The following SYN3 variants were observed in gnomAD, a reference collection of about 807,000 sequenced individuals.
The protein encoded by SYN3 is synapsin-3.
In SYN3, 35 loss-of-function variants were observed where a neutral mutation model predicts 65.8. The ratio of observed to expected loss-of-function variants is 0.53; its 90% CI spans 0.41 to 0.70. The LOEUF (loss-of-function observed/expected upper bound fraction) is 0.70, where lower values mean the gene tolerates loss of function less well. Ranked by LOEUF, SYN3 falls within the 30% of genes least tolerant of loss-of-function variation. The pLI is 0.00. For synonymous variants in SYN3, 270 were observed against 292.9 expected (o/e 0.92, Z 0.80); for missense variants, 680 against 749.0 (o/e 0.91, Z 1.08).
chr22:32,744,309 C>G (rs2044861625), intron 6 of SYN3, among the ~76,000 whole-genome samples: 1 of 152,164 alleles, frequency 6.6e-6, no homozygotes, highest in African/African-American at 2.4e-5. Context: ...GTCTGAGAGA[C>G]TGGGCACTCC....
intron 3 of SYN3, among the ~76,000 whole-genome samples, chr22:32,955,303 C>T (rs1045894938): frequency 6.6e-6 from 1 of 152,040 alleles, no homozygotes; most frequent in Non-Finnish European, 1.5e-5. Flanking sequence ...ATGCTAAATG[C>T]TGCAAAGAAA....
At chr22:33,018,798 T>C (rs2053514254) in intron 1 of SYN3, among the ~76,000 whole-genome samples, 1 of 152,080 alleles carries the variant, frequency 6.6e-6, no homozygotes, top group Admixed American at 6.5e-5. Flanking sequence ...TGCACCTGGG[T>C]TCCCCACTTC....
At chr22:33,041,906 C>T (rs1177511533) in intron 1 of SYN3, among the ~76,000 whole-genome samples, 1 of 152,180 alleles carries the variant, frequency 6.6e-6, no homozygotes, top group Non-Finnish European at 1.5e-5. Flanking sequence ...TCATGCTGTA[C>T]TCCTGCATTA....
At chr22:32,517,324 G>A (rs137867509) in intron 13 of SYN3, among the ~76,000 whole-genome samples, 5 of 152,274 alleles carry the variant, frequency 3.3e-5, no homozygotes, top group East Asian at 3.9e-4. Context: ...AAGAAAGCTC[G>A]GCTTAGCCTT....
Position 32,563,757 on chromosome 22 carries a change from C to T in SYN3, c.775-22044G>A, listed in dbSNP as rs541777427. Reference sequence around the variant, plus strand: ...CGATCTCAGCTCACTGCAACCTCCGCCTCCCAGGTTCAAGCGATTCTCCTG... The same window carrying T: ...CGATCTCAGCTCACTGCAACCTCCGTCTCCCAGGTTCAAGCGATTCTCCTG... On this transcript the variant is annotated intron_variant, in intron 7 of 13. Transcript: ENST00000358763. Among the ~76,000 whole-genome samples the T allele has an allele frequency of 9.2e-4, 140 of 152,280 alleles. No homozygotes were observed. The South Asian group carries it at 0.012, about 13-fold the overall frequency.
chr22:32,972,961 A>G (rs549409367), intron 3 of SYN3, among the ~76,000 whole-genome samples: 1 of 152,274 alleles, frequency 6.6e-6, no homozygotes, highest in East Asian at 1.9e-4. Context: ...GTGAACCATG[A>G]TTACACCATT....
chr22:32,675,961 G>C (rs2060434364), intron 6 of SYN3, among the ~76,000 whole-genome samples: 1 of 152,018 alleles, frequency 6.6e-6, no homozygotes, highest in Admixed American at 6.6e-5. Flanking sequence ...GGAAATATCT[G>C]TCTTGAAGAC....
At chr22:32,667,050 G>A (rs2060298580) in intron 6 of SYN3, among the ~76,000 whole-genome samples, 9 of 152,168 alleles carry the variant, frequency 5.9e-5, no homozygotes, top group Non-Finnish European at 1.3e-4. Flanking sequence ...GACCATCCTG[G>A]CTAACACAGT....
intron 1 of SYN3, among the ~76,000 whole-genome samples, chr22:33,032,698 CTG>C (rs2145903900): frequency 6.6e-6 from 1 of 152,058 alleles, no homozygotes; most frequent in African/African-American, 2.4e-5. Context: ...CAACCTGACT[CTG>C]GTGTCTTTAC....
At chr22:32,629,173 G>A (rs1034321698) in intron 6 of SYN3, among the ~76,000 whole-genome samples, 1 of 152,224 alleles carries the variant, frequency 6.6e-6, no homozygotes, top group Middle Eastern at 3.2e-3. Flanking sequence ...TTGAGCGTGG[G>A]ATCTGGGTCA....
intron 6 of SYN3, among the ~76,000 whole-genome samples, chr22:32,693,592 G>GA (rs2060695450): frequency 1.1e-5 from 1 of 90,532 alleles, no homozygotes; most frequent in Non-Finnish European, 2.0e-5. Context: ...TCTGTAGCTT[G>GA]TTTTTTTTTT....
chr22:32,759,499 G>C (rs112653744), intron 6 of SYN3, among the ~76,000 whole-genome samples: 42 of 152,268 alleles, frequency 2.8e-4, no homozygotes, highest in African/African-American at 9.9e-4. Flanking sequence ...CCTGTGACTA[G>C]ACTACTTGAC....
chr22:32,984,799 C>A (rs2052475679), intron 2 of SYN3, among the ~76,000 whole-genome samples: 1 of 152,094 alleles, frequency 6.6e-6, no homozygotes, highest in African/African-American at 2.4e-5. Context: ...GGAATGGTAA[C>A]CTATCATTAC....
intron 6 of SYN3, among the ~76,000 whole-genome samples, chr22:32,649,549 T>C (rs2060031731): frequency 1.3e-5 from 2 of 152,226 alleles, no homozygotes; most frequent in South Asian, 4.1e-4. Context: ...GAGGCAACCC[T>C]GTTCCAACTC....
chr22:32,701,431 T>C (rs1036611884), intron 6 of SYN3, among the ~76,000 whole-genome samples: 3 of 151,712 alleles, frequency 2.0e-5, no homozygotes, highest in African/African-American at 7.3e-5. Context: ...ATATAACCCA[T>C]AACCAGGAGA....
intron 7 of SYN3, among the ~76,000 whole-genome samples, chr22:32,573,775 T>G (rs2058811917): frequency 6.8e-6 from 1 of 147,978 alleles, no homozygotes; most frequent in Non-Finnish European, 1.5e-5. Context: ...TTTTTTTTTT[T>G]TTTTTTTTTT....
At chr22:32,916,757 G>T (rs1206945811) in intron 4 of SYN3, among the ~76,000 whole-genome samples, 1 of 152,186 alleles carries the variant, frequency 6.6e-6, no homozygotes, top group East Asian at 1.9e-4. Context: ...TTAATAAGTA[G>T]GGTAGAGGTT....
intron 6 of SYN3, among the ~76,000 whole-genome samples, chr22:32,845,174 T>C (rs990438936): frequency 4.0e-5 from 6 of 150,536 alleles, no homozygotes; most frequent in Non-Finnish European, 8.9e-5. Flanking sequence ...GGTGCTTCTG[T>C]ACCTTGGAGA....
intron 6 of SYN3, among the ~76,000 whole-genome samples, chr22:32,724,834 T>C (rs537027221): frequency 7.9e-5 from 12 of 152,166 alleles, no homozygotes; most frequent in African/African-American, 2.9e-4. Context: ...CAAACACCTC[T>C]TCTGGGCCGA....
Sources: allele counts gnomAD v4.1 joint callset (sites outside exome capture counted in the v4.1 genomes callset), GRCh38; gene constraint gnomAD v4.1.1; transcripts MANE v1.5; gene names NCBI Gene and HGNC (gene_info 2026-07-23, HGNC 2026-07-21).